UBE2V1: variants seen among roughly 807,000 people sequenced by gnomAD.
The protein encoded by UBE2V1 is ubiquitin-conjugating enzyme E2 variant 1.
UBE2V1 carries 15 observed loss-of-function variants against 19.6 expected under a neutral mutation model. The observed-to-expected ratio is 0.77, with a 90% CI of 0.51 to 1.18. The LOEUF is 1.18. Among genes scored for constraint, UBE2V1 ranks in the 50% most tolerant of loss-of-function variants. The pLI is 0.00. For synonymous variants in UBE2V1, 60 were observed against 60.7 expected, an observed-to-expected ratio of 0.99 and a Z score of 0.05; for missense variants, 125 against 184.8, an observed-to-expected ratio of 0.68 and a Z score of 1.88.
At chr20:50,101,707 T>G (rs1182977747) in intron 1 of UBE2V1, among the ~76,000 whole-genome samples, 1 of 152,014 alleles carries the variant, frequency 6.6e-6, no homozygotes, top group Non-Finnish European at 1.5e-5. Flanking sequence ...ACACACCTTC[T>G]CTCAGTGTGA....
chr20:50,106,860 AACAACAACAACAAC>A (rs1214082249), intron 1 of UBE2V1, among the ~76,000 whole-genome samples: 64 of 95,682 alleles, frequency 6.7e-4, no homozygotes, highest in African/African-American at 3.1e-3. Context: ...CAACAACAAC[AACAACAACAACAAC>A]AAAAAAAAAA....
rs1253044829 is a variant in UBE2V1 at position 50,081,213 on chromosome 20, T to G, written c.*1555A>C. ...GGCTGCTTATGGAATACTGTTATGTTAAACTTCACTTACAGGATGTTAAAT... is the reference window on the plus strand; with the variant it reads ...GGCTGCTTATGGAATACTGTTATGTGAAACTTCACTTACAGGATGTTAAAT... On this transcript the variant is annotated 3_prime_UTR_variant, in exon 4 of 4. Transcript: ENST00000371674. The G allele has an allele frequency of 6.6e-6, 1 of 152,246 alleles. No individual in the cohort carries two copies. Among genetic ancestry groups the G allele is most frequent in the African/African-American group, 2.4e-5 (1 of 41,440 alleles). The allele number at this position is 152,246 out of a possible 1,614,324, so 9.4% of individuals were successfully genotyped here.
chr20:50,105,661 C>T (rs2080306113), intron 1 of UBE2V1, among the ~76,000 whole-genome samples: 1 of 152,188 alleles, frequency 6.6e-6, no homozygotes, highest in South Asian at 2.1e-4. Flanking sequence ...AAAATGGACT[C>T]TTACAGGCCA....
Position 50,108,077 on chromosome 20 carries a change from T to C in UBE2V1, c.22+5030A>G, listed in dbSNP as rs564484992. Among the ~76,000 whole-genome samples, 11 of 152,296 alleles carry C rather than the reference T, an allele frequency of 7.2e-5. 1 individual carries two copies. Among genetic ancestry groups the C allele is most frequent in the Admixed American group, 7.2e-4 (11 of 15,304 alleles). On this transcript the variant is annotated intron_variant, in intron 1 of 3. Transcript: ENST00000371674. ...GCCATGGAAAAGGGATGGGTTATTC[T>C]GTAATAAGAGCAGTGGGAAGGGCTT...
intron 1 of UBE2V1, among the ~76,000 whole-genome samples, chr20:50,105,360 C>T (rs1247304701): frequency 6.6e-6 from 1 of 152,178 alleles, no homozygotes; most frequent in African/African-American, 2.4e-5. Context: ...CAGGATGTAT[C>T]AGTGACAAGC....
chr20:50,113,404 T>C (rs2080907108), upstream of UBE2V1, among the ~76,000 whole-genome samples: 1 of 152,168 alleles, frequency 6.6e-6, no homozygotes, highest in Non-Finnish European at 1.5e-5. Flanking sequence ...TGACTAGGCT[T>C]GGGAAGGCGC....
At chr20:50,094,035 ATATAT>A (rs1343308932) in intron 2 of UBE2V1, among the ~76,000 whole-genome samples, 6 of 113,546 alleles carry the variant, frequency 5.3e-5, no homozygotes, top group East Asian at 2.2e-4. Flanking sequence ...TAATAATAAA[ATATAT>A]ATATATAAAA....
Position 50,082,561 on chromosome 20 carries a change from T to TTGTGA in UBE2V1, c.*206_*207insTCACA. 1 of 914,186 alleles carries TTGTGA rather than the reference T, an allele frequency of 1.1e-6. No homozygotes were observed. Among genetic ancestry groups the TTGTGA allele is most frequent in the Non-Finnish European group, 1.5e-6 (1 of 645,600 alleles). 56.6% of individuals were successfully genotyped at this position (914,186 alleles called of 1,614,324 possible). On this transcript the variant is annotated 3_prime_UTR_variant, in exon 4 of 4. Transcript: ENST00000371674. ...CAGTGGTTACACTTGACAGGATGAT[T>TTGTGA]TGTTATAGCACAACTTATATATTTC...
intron 3 of UBE2V1, 127 bp downstream of exon 3, chr20:50,084,002 C>T: frequency 7.0e-7 from 1 of 1,438,844 alleles, no homozygotes; most frequent in Non-Finnish European, 9.3e-7. Flanking sequence ...CTCCTATGCA[C>T]AGTGATACAG....
chr20:50,111,451 G>A (rs982332590), intron 1 of UBE2V1: 121 of 1,000,226 alleles, frequency 1.2e-4, no homozygotes, highest in Non-Finnish European at 1.4e-4. Flanking sequence ...CCCGGTAGGA[G>A]TGTTATTCTG....
At chr20:50,100,790 C>T (rs2079938921) in intron 1 of UBE2V1, among the ~76,000 whole-genome samples, 1 of 152,188 alleles carries the variant, frequency 6.6e-6, no homozygotes, top group African/African-American at 2.4e-5. Flanking sequence ...GACTATTCCT[C>T]TTGCAAACTT....
intron 1 of UBE2V1, among the ~76,000 whole-genome samples, chr20:50,098,546 T>C (rs185599127): frequency 2.4e-4 from 36 of 152,234 alleles, no homozygotes; most frequent in African/African-American, 8.2e-4. Flanking sequence ...AGGTCTGAGC[T>C]GTGGAGATTT....
chr20:50,098,829 A>G, intron 1 of UBE2V1: 1 of 696,716 alleles, frequency 1.4e-6, no homozygotes, highest in Middle Eastern at 7.4e-4. Context: ...GAAAAATATT[A>G]AATAGTACTA....
chr20:50,107,816 G>A (rs555214691), intron 1 of UBE2V1, among the ~76,000 whole-genome samples: 1 of 152,288 alleles, frequency 6.6e-6, no homozygotes, highest in South Asian at 2.1e-4. Flanking sequence ...CTAGTGAAAA[G>A]GCATAGAAAA....
At chr20:50,105,692 TA>T (rs1451191998) in intron 1 of UBE2V1, among the ~76,000 whole-genome samples, 1 of 152,176 alleles carries the variant, frequency 6.6e-6, no homozygotes, top group African/African-American at 2.4e-5. Context: ...CTCACACCTG[TA>T]ATCTCAGTAC....
At chr20:50,085,977 C>A (rs1241461567) in intron 2 of UBE2V1, among the ~76,000 whole-genome samples, 1 of 152,154 alleles carries the variant, frequency 6.6e-6, no homozygotes, top group African/African-American at 2.4e-5. Flanking sequence ...CATCCACTTT[C>A]CTCCACCACC....
chr20:50,106,867 ACAACAAC>A (rs1179983474), intron 1 of UBE2V1, among the ~76,000 whole-genome samples: 2 of 94,562 alleles, frequency 2.1e-5, no homozygotes, highest in African/African-American at 1.0e-4. Context: ...AACAACAACA[ACAACAAC>A]AAAAAAAAAA....
At chr20:50,101,330 C>T (rs1409431704) in intron 1 of UBE2V1, among the ~76,000 whole-genome samples, 1 of 151,964 alleles carries the variant, frequency 6.6e-6, no homozygotes, top group East Asian at 1.9e-4. Context: ...TTACAATAAA[C>T]ATTTATTTCA....
At chr20:50,083,827 A>T in intron 3 of UBE2V1, 1 of 208,732 alleles carries the variant, frequency 4.8e-6, no homozygotes, top group Admixed American at 5.4e-5. Flanking sequence ...GCCCTGGGAA[A>T]GATCTTCCAC....
Sources: allele counts gnomAD v4.1 joint callset (sites outside exome capture counted in the v4.1 genomes callset), GRCh38; gene constraint gnomAD v4.1.1; transcripts MANE v1.5; gene names NCBI Gene and HGNC (gene_info 2026-07-23, HGNC 2026-07-21).